Variants in NLRC4 observed in about 807,000 individuals in gnomAD.
NLRC4 encodes NLR family CARD domain-containing protein 4.
Under a neutral mutation model 79.9 loss-of-function variants are expected in NLRC4, and 63 were observed. That is an observed-to-expected ratio of 0.79 (90% CI 0.64 to 0.97). The LOEUF (loss-of-function observed/expected upper bound fraction) is 0.97. Among genes scored for constraint, NLRC4 ranks in the 50% least tolerant of loss-of-function variants. The pLI is 0.00. For missense variants in NLRC4, 1,074 were observed against 1,215.2 expected (o/e 0.88, Z 1.73); for synonymous variants, 461 against 456.5 (o/e 1.01, Z -0.12).
intron 8 of NLRC4, among the ~76,000 whole-genome samples, chr2:32,225,527 C>G (rs1686367021): frequency 6.6e-6 from 1 of 151,878 alleles, no homozygotes. Context: ...GTGAGTCTTG[C>G]AATAAGAAAA....
chr2:32,240,785 A>G (rs1203962677), intron 5 of NLRC4, among the ~76,000 whole-genome samples: 1 of 152,226 alleles, frequency 6.6e-6, no homozygotes, highest in Non-Finnish European at 1.5e-5. Context: ...TGAGCCAGGG[A>G]GACGGAAGTT....
intron 2 of NLRC4, among the ~76,000 whole-genome samples, chr2:32,254,779 C>T (rs537796719): frequency 2.6e-5 from 4 of 151,768 alleles, no homozygotes; most frequent in Non-Finnish European, 5.9e-5. Context: ...CCACCACACC[C>T]AGCTAATTTT....
chr2:32,238,340 G>C (rs1403222516), intron 5 of NLRC4, 38 bp from the exon 6 acceptor site: 1 of 1,534,268 alleles, frequency 6.5e-7, no homozygotes, highest in East Asian at 2.3e-5. Flanking sequence ...AGGATACCAA[G>C]TTAATTCGAT....
chr2:32,235,521 A>G lies in NLRC4; in HGVS notation c.2662T>C (p.Trp888Arg), dbSNP rs760166121. 5 of 1,614,066 alleles carry G rather than the reference A, an allele frequency of 3.1e-6. No homozygotes were observed. The highest frequency in any genetic ancestry group is 4.2e-6 in the Non-Finnish European group (5 of 1,180,028). Reference protein sequence around the residue: ...LEQLTALMLPWGCDVQGSLSS... With the variant: ...LEQLTALMLPRGCDVQGSLSS... ...AGGCTGCCTTGCACGTCACAGCCCC[A>G]GGGCAGCATCAGTGCGGTGAGCTGT... The change falls in exon 8 of 9, where the codon TGG becomes CGG. Residue 888 changes from tryptophan to arginine, a missense_variant. Transcript: ENST00000402280.
chr2:32,238,140 T>C lies in NLRC4; in HGVS notation c.2513A>G (p.Lys838Arg). ...VSCCLSANAV[K>R]ILAQNLHNLV... ...ATGGAAGCAACAGTTACCTAGGATT[T>C]TCACTGCATTTGCAGACAAGCAGCA... The change falls in exon 6 of 9, where the codon AAA becomes AGA. Residue 838 changes from lysine (K) to arginine (R), a missense_variant. Lys to Arg is a conservative substitution (Grantham distance 26, BLOSUM62 2). Coordinates refer to ENST00000402280, the MANE Select transcript of NLRC4 (RefSeq NM_001199138.2). 1 of 1,613,224 alleles carries C rather than the reference T, an allele frequency of 6.2e-7. No individual in the cohort carries two copies. The highest frequency in any genetic ancestry group is 1.7e-5 in the Admixed American group (1 of 59,704).
chr2:32,254,471 G>A (rs1687157139), intron 2 of NLRC4, among the ~76,000 whole-genome samples: 1 of 151,796 alleles, frequency 6.6e-6, no homozygotes, highest in African/African-American at 2.4e-5. Flanking sequence ...ACTCTGCAAG[G>A]TCTAATTCTG....
In NLRC4 at chr2:32,229,340, G is replaced by A. The variant is rs145813878; in HGVS notation, c.2783-4575C>T. Among the ~76,000 whole-genome samples, 604 of 152,068 alleles carry A rather than the reference G, an allele frequency of 4.0e-3. 2 individuals are homozygous for A. Among genetic ancestry groups the A allele is most frequent in the African/African-American group, 0.014 (578 of 41,508 alleles). On this transcript the variant is annotated intron_variant, in intron 8 of 8. Coordinates refer to ENST00000402280, the MANE Select transcript of NLRC4 (RefSeq NM_001199138.2). ...CATACTTATAGTGGCGGCATGGACC[G>A]GTAATCCCAGCTACTGGGGAGGCTG... is the stretch of plus-strand genomic sequence containing the variant.
intron 4 of NLRC4, among the ~76,000 whole-genome samples, chr2:32,242,884 A>G (rs1297153801): frequency 1.3e-5 from 2 of 151,838 alleles, no homozygotes; most frequent in Admixed American, 1.3e-4. Context: ...CTATCCCTAC[A>G]AAATATTTTT....
chr2:32,246,665 T>A (rs1284802221), intron 4 of NLRC4, among the ~76,000 whole-genome samples: 1 of 152,260 alleles, frequency 6.6e-6, no homozygotes, highest in African/African-American at 2.4e-5. Flanking sequence ...TATTTGGAAT[T>A]TGGGGAAGTA....
At chr2:32,243,030 A>G (rs1182539586) in intron 4 of NLRC4, among the ~76,000 whole-genome samples, 1 of 152,048 alleles carries the variant, frequency 6.6e-6, no homozygotes, top group Non-Finnish European at 1.5e-5. Flanking sequence ...CCTTGGTGAC[A>G]GAATGAGACA....
At chr2:32,224,910 TTAATA>T (rs1462800404) in intron 8 of NLRC4, 145 bp from the exon 9 acceptor site, 1 of 554,466 alleles carries the variant, frequency 1.8e-6, no homozygotes, top group Non-Finnish European at 3.1e-6. Flanking sequence ...AAAGAAATTA[TTAATA>T]TAATTCTCTA....
intron 4 of NLRC4, among the ~76,000 whole-genome samples, chr2:32,244,653 A>G (rs551402761): frequency 2.0e-5 from 3 of 152,132 alleles, no homozygotes; most frequent in Non-Finnish European, 4.4e-5. Flanking sequence ...GGAATCTACA[A>G]CACCCCCTTC....
intron 4 of NLRC4, among the ~76,000 whole-genome samples, chr2:32,249,333 A>G (rs1366877631): frequency 6.6e-6 from 1 of 152,190 alleles, no homozygotes; most frequent in Non-Finnish European, 1.5e-5. Flanking sequence ...TGCATGTATC[A>G]AGACCACCTT....
At chr2:32,261,465 C>A (rs1687349089) in intron 1 of NLRC4, among the ~76,000 whole-genome samples, 1 of 149,894 alleles carries the variant, frequency 6.7e-6, no homozygotes, top group African/African-American at 2.5e-5. Flanking sequence ...GTGCATGCCT[C>A]CTCACCCAGC....
At chr2:32,258,440 T>A (rs760962584) in intron 1 of NLRC4, among the ~76,000 whole-genome samples, 76 of 152,190 alleles carry the variant, frequency 5.0e-4, no homozygotes, top group Admixed American at 1.1e-3. Context: ...GGAGTGCCTG[T>A]CCTCACCTAG....
chr2:32,262,980 T>C (rs1291276262), intron 1 of NLRC4, among the ~76,000 whole-genome samples: 2 of 151,684 alleles, frequency 1.3e-5, no homozygotes, highest in African/African-American at 4.8e-5. Flanking sequence ...CCTCCCAAAG[T>C]GCTGGGATTA....
intron 8 of NLRC4, 127 bp downstream of exon 8, chr2:32,235,274 T>G: frequency 2.9e-6 from 2 of 683,852 alleles, no homozygotes; most frequent in East Asian, 5.2e-5. Context: ...ATGAATTCAT[T>G]AGACATATTT....
At chr2:32,255,055 C>A (rs1469794232) in intron 2 of NLRC4, among the ~76,000 whole-genome samples, 10 of 151,892 alleles carry the variant, frequency 6.6e-5, no homozygotes, top group Admixed American at 6.6e-4. Context: ...CCTTTCTCAC[C>A]ATTGCAGAGC....
chr2:32,252,666 C>T lies in NLRC4; in HGVS notation c.15G>A (p.Lys5=), dbSNP rs775527295. 1 of 1,612,862 alleles carries T rather than the reference C, an allele frequency of 6.2e-7. No individual in the cohort carries two copies. The highest frequency in any genetic ancestry group is 8.5e-7 in the Non-Finnish European group (1 of 1,178,912). Residue 5 remains lysine (K), a synonymous_variant, in exon 3 of 9, where the codon AAG becomes AAA. Transcript: ENST00000402280. MNFI[K]DNSRALIQRM... The stretch of plus-strand genomic sequence containing the variant: ...TTTGAATAAGGGCTCGGCTATTGTC[C>T]TTTATGAAATTCACTGAGGAGATGG...
Sources: allele counts gnomAD v4.1 joint callset (sites outside exome capture counted in the v4.1 genomes callset), GRCh38; gene constraint gnomAD v4.1.1; transcripts MANE v1.5; gene names NCBI Gene and HGNC (gene_info 2026-07-23, HGNC 2026-07-21).